Variants in GLYATL2 observed in about 807,000 individuals in gnomAD.
The protein encoded by GLYATL2 is glycine-N-acyltransferase like 2.
In GLYATL2, 25 loss-of-function variants were observed where a neutral mutation model predicts 21.4. The ratio of observed to expected loss-of-function variants is 1.17; its 90% CI spans 0.85 to 1.63. The LOEUF is 1.63. Ranked by LOEUF, GLYATL2 falls within the 40% of genes most tolerant of loss-of-function variation. GLYATL2 has a pLI of 0.00. For missense variants in GLYATL2, 361 were observed against 343.3 expected (o/e 1.05, Z -0.41); for synonymous variants, 114 against 118.2 (o/e 0.96, Z 0.23).
upstream of GLYATL2, among the ~76,000 whole-genome samples, chr11:58,904,820 T>C (rs932010098): frequency 2.0e-5 from 3 of 152,222 alleles, no homozygotes; most frequent in Non-Finnish European, 2.9e-5. Flanking sequence ...AACTATCAAC[T>C]TTTACATAAA....
intron 1 of GLYATL2, among the ~76,000 whole-genome samples, chr11:58,864,862 A>G (rs1184260152): frequency 6.7e-6 from 1 of 149,078 alleles, no homozygotes; most frequent in Non-Finnish European, 1.5e-5. Flanking sequence ...ATTTCTAAAT[A>G]ATGATTTTCA....
chr11:58,871,750 G>A (rs376624295), intron 1 of GLYATL2, among the ~76,000 whole-genome samples: 1,756 of 152,242 alleles, frequency 0.012, 11 homozygotes, highest in Non-Finnish European at 0.016. Context: ...ACATATGTGT[G>A]CATGTGTCTT....
At chr11:58,870,678 C>A (rs1172902324) in intron 1 of GLYATL2, among the ~76,000 whole-genome samples, 1 of 152,220 alleles carries the variant, frequency 6.6e-6, no homozygotes, top group African/African-American at 2.4e-5. Flanking sequence ...ACTCCTTCAA[C>A]AGGCAGAACG....
chr11:58,878,904 T>C (rs1447319215), intron 1 of GLYATL2, among the ~76,000 whole-genome samples: 1 of 152,198 alleles, frequency 6.6e-6, no homozygotes, highest in East Asian at 1.9e-4. Context: ...ATGAGGGTCC[T>C]CAGTAAAGTC....
chr11:58,857,577 C>A (rs1023672766), intron 1 of GLYATL2, among the ~76,000 whole-genome samples: 1 of 152,192 alleles, frequency 6.6e-6, no homozygotes, highest in Admixed American at 6.5e-5. Flanking sequence ...GTGAACTTCA[C>A]CTCCTTTCCA....
At chr11:58,857,089 G>T (rs1366115715) in intron 1 of GLYATL2, among the ~76,000 whole-genome samples, 5 of 152,134 alleles carry the variant, frequency 3.3e-5, no homozygotes, top group African/African-American at 9.7e-5. Context: ...GCTTTTTGAG[G>T]AATCTCTGTA....
intron 1 of GLYATL2, chr11:58,878,465 C>A: frequency 3.7e-6 from 1 of 272,976 alleles, no homozygotes; most frequent in Non-Finnish European, 6.3e-6. Flanking sequence ...GTGATCGAAA[C>A]TGGGTTTGGA....
intron 1 of GLYATL2, among the ~76,000 whole-genome samples, chr11:58,874,187 C>A (rs1218096547): frequency 6.6e-6 from 1 of 151,958 alleles, no homozygotes; most frequent in African/African-American, 2.4e-5. Flanking sequence ...CTCTTTTCTT[C>A]TTATTAGTCT....
chr11:58,886,139 C>G (rs931834962), intron 1 of GLYATL2, among the ~76,000 whole-genome samples: 4 of 152,070 alleles, frequency 2.6e-5, no homozygotes, highest in African/African-American at 9.7e-5. Flanking sequence ...TGGCTTGAGC[C>G]CCAGGAGGTC....
intron 1 of GLYATL2, among the ~76,000 whole-genome samples, chr11:58,864,901 C>T (rs539521333): frequency 6.7e-6 from 1 of 148,916 alleles, no homozygotes; most frequent in South Asian, 2.1e-4. Flanking sequence ...AGAGGCAGTA[C>T]TCCTGCTAAT....
chr11:58,889,913 T>A (rs998053291), intron 1 of GLYATL2, among the ~76,000 whole-genome samples: 3 of 152,188 alleles, frequency 2.0e-5, no homozygotes, highest in South Asian at 4.1e-4. Flanking sequence ...AGAATTTAAA[T>A]ATAAAATAAT....
intron 1 of GLYATL2, among the ~76,000 whole-genome samples, chr11:58,871,343 C>T (rs1046597692): frequency 6.6e-6 from 1 of 151,632 alleles, no homozygotes; most frequent in Non-Finnish European, 1.5e-5. Flanking sequence ...TGCAGGTTTG[C>T]TACATATGTA....
intron 1 of GLYATL2, among the ~76,000 whole-genome samples, chr11:58,876,943 C>A (rs1057493509): frequency 3.3e-5 from 5 of 152,252 alleles, no homozygotes; most frequent in East Asian, 1.9e-4. Flanking sequence ...CCACCCAGTT[C>A]GAGCTTCCAG....
At chr11:58,905,708 GCT>G, upstream of GLYATL2, 6 of 436,158 alleles carry the variant, frequency 1.4e-5, no homozygotes, top group South Asian at 1.6e-5. Context: ...GGAGGGGATC[GCT>G]GGGACCGGGA....
At position 58,838,498 on chromosome 11, in the gene GLYATL2, G is replaced by A. The variant is rs1159002322; in HGVS notation, c.79-130C>T. ...ATAGGAGGACTTAGGATGGGCCAGTGCTTCCAGGATGGCTCATTGGGCTAC... is the reference window on the plus strand; with the variant it reads ...ATAGGAGGACTTAGGATGGGCCAGTACTTCCAGGATGGCTCATTGGGCTAC... On this transcript the variant is annotated intron_variant, in intron 2 of 5. Transcript: ENST00000287275. 33 of 574,872 alleles carry A rather than the reference G, an allele frequency of 5.7e-5. 1 individual carries two copies. In the East Asian group the frequency reaches 9.8e-4, roughly 17 times the overall value. The allele number at this position is 574,872 out of a possible 1,614,324, so 35.6% of individuals were successfully genotyped here. A position where few individuals can be genotyped will look rare whatever the true frequency, so the allele number is the denominator to read the frequency against.
intron 1 of GLYATL2, among the ~76,000 whole-genome samples, chr11:58,884,044 A>T (rs1854392252): frequency 6.6e-6 from 1 of 152,150 alleles, no homozygotes; most frequent in Non-Finnish European, 1.5e-5. Flanking sequence ...CTCTCAATAA[A>T]CTAGGTATTG....
chr11:58,851,055 G>C lies in GLYATL2; in HGVS notation n.61-12687C>G, dbSNP rs187864808. On this transcript the variant is annotated intron_variant and non_coding_transcript_variant, in intron 1 of 4. Transcript: ENST00000533636. The stretch of plus-strand genomic sequence containing the variant: ...GCTGCCAAACAGGGAAGGGCCCCCT[G>C]TCTGGTGGACACGTGACTCACGTGA... Among the ~76,000 whole-genome samples the C allele has an allele frequency of 2.2e-3, 341 of 152,286 alleles. 4 individuals are homozygous for C. The highest frequency in any genetic ancestry group is 6.9e-3 in the African/African-American group (285 of 41,566).
In GLYATL2 at chr11:58,834,737, C is replaced by T. The variant is rs1375976346; in HGVS notation, c.577G>A (p.Glu193Lys). 1 of 1,613,778 alleles carries T rather than the reference C, an allele frequency of 6.2e-7. No homozygotes were observed. Among genetic ancestry groups the T allele is most frequent in the Non-Finnish European group, 8.5e-7 (1 of 1,179,960 alleles). ...GKNERSLKYI[E>K]RCLQDFLGFG... ...CCTAGAAAATCCTGGAGGCAGCGTT[C>T]AATATATTTCAAGCTCCTCTCATTT... The change falls in exon 6 of 6, where the codon GAA (glutamate) becomes AAA (lysine). Residue 193 changes from glutamate (E) to lysine (K), a missense_variant. By Grantham distance (56) the Glu-to-Lys change is moderately conservative. Transcript: ENST00000287275.
At chr11:58,905,850 G>A (rs1242761590), upstream of GLYATL2, among the ~76,000 whole-genome samples, 7 of 152,212 alleles carry the variant, frequency 4.6e-5, no homozygotes, top group African/African-American at 1.4e-4. Context: ...TTCAATCACT[G>A]TCTGGAGTGA....
Sources: gnomAD v4.1 joint callset for allele counts (sites outside exome capture counted in the v4.1 genomes callset) on GRCh38, gnomAD v4.1.1 for gene constraint, MANE v1.5 for transcripts, NCBI Gene and HGNC (gene_info 2026-07-23, HGNC 2026-07-21) for gene names.